The following TAFA4 variants were observed in gnomAD, a reference collection of about 807,000 sequenced individuals.
TAFA4 encodes TAFA chemokine like family member 4.
Under a neutral mutation model 21.1 loss-of-function variants are expected in TAFA4, and 20 were observed. That is an observed-to-expected ratio of 0.95 (90% CI 0.67 to 1.38). The LOEUF is 1.38. Among genes scored for constraint, TAFA4 ranks in the 40% most tolerant of loss-of-function variants. TAFA4 has a pLI of 0.00. For synonymous variants in TAFA4, 71 were observed against 67.4 expected (o/e 1.05, Z -0.26); for missense variants, 211 against 180.9 (o/e 1.17, Z -0.95).
At chr3:68,931,765 A>G (rs1575679644) in intron 1 of TAFA4, among the ~76,000 whole-genome samples, 1 of 5,374 alleles carries the variant, frequency 1.9e-4, no homozygotes, top group Non-Finnish European at 3.4e-4. Flanking sequence ...CCAGAGCTTC[A>G]GGGTGGGGGT....
intron 3 of TAFA4, among the ~76,000 whole-genome samples, chr3:68,803,816 T>C (rs2106831558): frequency 7.0e-6 from 1 of 142,496 alleles, no homozygotes; most frequent in South Asian, 2.4e-4. Flanking sequence ...TTTTTTTTTT[T>C]TTTTGTGAGA....
At chr3:68,774,594 A>T (rs1703017912) in intron 3 of TAFA4, among the ~76,000 whole-genome samples, 2 of 152,262 alleles carry the variant, frequency 1.3e-5, no homozygotes, top group Non-Finnish European at 2.9e-5. Context: ...AAGATCAATT[A>T]ATCAACAAAT....
intron 3 of TAFA4, among the ~76,000 whole-genome samples, chr3:68,783,703 GAGAGAAAGAAAAAGAAAGAAAGAAAGAA>G (rs1703192187): frequency 2.2e-5 from 2 of 89,372 alleles, no homozygotes; most frequent in Non-Finnish European, 4.3e-5. Context: ...GAGAGAGAGA[GAGAGAAAGAAAAAGAAAGAAAGAAAGAA>G]AGAAAGAAAG....
chr3:68,860,454 A>G (rs2089321980), intron 3 of TAFA4, among the ~76,000 whole-genome samples: 1 of 152,156 alleles, frequency 6.6e-6, no homozygotes, highest in African/African-American at 2.4e-5. Flanking sequence ...TGGATGATGC[A>G]GCTATAATAA....
At chr3:68,783,725 G>GAAAGAAAGAAAA in intron 3 of TAFA4, among the ~76,000 whole-genome samples, 1 of 143,100 alleles carries the variant, frequency 7.0e-6, no homozygotes. Flanking sequence ...AAGAAAGAAA[G>GAAAGAAAGAAAA]AAAGAAAGAA....
chr3:68,754,674 T>C (rs1296265568), intron 3 of TAFA4, among the ~76,000 whole-genome samples: 1 of 152,230 alleles, frequency 6.6e-6, no homozygotes, highest in Non-Finnish European at 1.5e-5. Flanking sequence ...GAGGGAGATA[T>C]ATTAGTGAGA....
At chr3:68,812,717 A>T (rs1374196860) in intron 3 of TAFA4, among the ~76,000 whole-genome samples, 1 of 152,160 alleles carries the variant, frequency 6.6e-6, no homozygotes, top group Non-Finnish European at 1.5e-5. Context: ...CTGCCACACA[A>T]TAATAATGGG....
chr3:68,829,038 G>T (rs572215974), intron 3 of TAFA4, among the ~76,000 whole-genome samples: 1 of 152,016 alleles, frequency 6.6e-6, no homozygotes, highest in South Asian at 2.1e-4. Flanking sequence ...CACAGAATTG[G>T]AAAAAACTAC....
intron 3 of TAFA4, among the ~76,000 whole-genome samples, chr3:68,762,586 C>T (rs916229262): frequency 1.3e-5 from 2 of 152,178 alleles, no homozygotes; most frequent in Non-Finnish European, 2.9e-5. Context: ...CTATGCACTT[C>T]TTAAATTCAT....
intron 1 of TAFA4, among the ~76,000 whole-genome samples, chr3:68,899,138 T>C (rs1026866753): frequency 2.4e-4 from 37 of 152,322 alleles, no homozygotes; most frequent in African/African-American, 8.7e-4. Context: ...GTGTAAACTT[T>C]ATGAAATAAA....
chr3:68,871,754 A>G (rs975253035), intron 3 of TAFA4, among the ~76,000 whole-genome samples: 4 of 152,178 alleles, frequency 2.6e-5, no homozygotes, highest in Non-Finnish European at 5.9e-5. Context: ...TTGAATAAAC[A>G]TTTCTCAAAA....
intron 3 of TAFA4, among the ~76,000 whole-genome samples, chr3:68,799,956 A>G (rs1428295703): frequency 6.6e-6 from 1 of 152,058 alleles, no homozygotes; most frequent in African/African-American, 2.4e-5. Context: ...TGTGAATCCT[A>G]TTGTGAACCG....
intron 3 of TAFA4, among the ~76,000 whole-genome samples, chr3:68,842,593 G>A (rs1441267508): frequency 6.6e-6 from 1 of 152,104 alleles, no homozygotes; most frequent in African/African-American, 2.4e-5. Flanking sequence ...ATTGCTTTTG[G>A]TGTTTTAGCC....
chr3:68,900,723 C>T (rs186436274), intron 1 of TAFA4, among the ~76,000 whole-genome samples: 2 of 152,334 alleles, frequency 1.3e-5, no homozygotes, highest in Admixed American at 1.3e-4. Context: ...GTTCAAAGCA[C>T]TCAACAAATA....
intron 3 of TAFA4, among the ~76,000 whole-genome samples, chr3:68,873,215 T>C (rs1575651896): frequency 6.6e-6 from 1 of 151,840 alleles, no homozygotes; most frequent in Admixed American, 6.6e-5. Context: ...CAACATAAGG[T>C]AGGAGAGGCT....
intron 1 of TAFA4, among the ~76,000 whole-genome samples, chr3:68,893,840 G>A (rs184205607): frequency 6.6e-6 from 1 of 152,008 alleles, no homozygotes; most frequent in South Asian, 2.1e-4. Flanking sequence ...GCCCTCCTGT[G>A]GACAAAACAA....
At chr3:68,868,813 T>C (rs577983258) in intron 3 of TAFA4, among the ~76,000 whole-genome samples, 9 of 151,796 alleles carry the variant, frequency 5.9e-5, no homozygotes, top group South Asian at 2.1e-4. Flanking sequence ...AAATAAACAA[T>C]GATACATCTC....
intron 1 of TAFA4, among the ~76,000 whole-genome samples, chr3:68,918,289 T>A (rs1575673037): frequency 6.6e-6 from 1 of 152,116 alleles, no homozygotes; most frequent in Non-Finnish European, 1.5e-5. Context: ...AGGTCGCAAA[T>A]GACACTGGAG....
intron 3 of TAFA4, among the ~76,000 whole-genome samples, chr3:68,870,811 A>C (rs1412588224): frequency 1.3e-5 from 2 of 151,936 alleles, no homozygotes; most frequent in Non-Finnish European, 2.9e-5. Flanking sequence ...TTCAACTCCC[A>C]CTTATGAGTG....
Sources: allele counts gnomAD v4.1 joint callset (sites outside exome capture counted in the v4.1 genomes callset), GRCh38; gene constraint gnomAD v4.1.1; transcripts MANE v1.5; gene names NCBI Gene and HGNC (gene_info 2026-07-23, HGNC 2026-07-21).